BPIFB4: variants seen among roughly 807,000 people sequenced by gnomAD.
The protein encoded by BPIFB4 is BPI fold-containing family B member 4.
BPIFB4 carries 62 observed loss-of-function variants against 69.2 expected under a neutral mutation model. The ratio of observed to expected loss-of-function variants is 0.90; its 90% CI spans 0.73 to 1.11. BPIFB4 has a LOEUF of 1.11. Ranked by LOEUF, BPIFB4 falls within the 50% of genes least tolerant of loss-of-function variation. The probability of loss-of-function intolerance (pLI) is 0.00; values close to 1 mark genes in which losing one functional copy is unlikely to be tolerated. For synonymous variants in BPIFB4, 330 were observed against 332.7 expected (o/e 0.99, Z 0.09); for missense variants, 789 against 792.0 (o/e 1.00, Z 0.04).
chr20:33,091,458 A>G (rs1212808823), intron 10 of BPIFB4, among the ~76,000 whole-genome samples: 1 of 152,198 alleles, frequency 6.6e-6, no homozygotes, highest in African/African-American at 2.4e-5. Flanking sequence ...CTAATTTTGT[A>G]TGGGGCACGC....
chr20:33,090,641 G>C (rs1269979326), intron 9 of BPIFB4, 67 bp from the exon 10 acceptor site: 13 of 1,596,934 alleles, frequency 8.1e-6, no homozygotes, highest in Non-Finnish European at 1.1e-5. Flanking sequence ...CCCAGCCCCA[G>C]TGTATGAGGA....
At chr20:33,096,540 G>T (rs1419498126) in intron 12 of BPIFB4, among the ~76,000 whole-genome samples, 1 of 152,224 alleles carries the variant, frequency 6.6e-6, no homozygotes, top group African/African-American at 2.4e-5. Context: ...CTCCCAAAGT[G>T]CTGGGAGTAC....
In BPIFB4 at chr20:33,101,144, G is replaced by A. The variant is rs556031135; in HGVS notation, c.1637+651G>A. On this transcript the variant is annotated intron_variant, in intron 14 of 17. Transcript: ENST00000375483. ...TCTGCTCTATGTACTTGAAGTGTAC[G>A]TATTATCTTGTTTCTCCCCTCTGAT... Among the ~76,000 whole-genome samples, 10 of 152,282 alleles carry A rather than the reference G, an allele frequency of 6.6e-5. No individual in the cohort carries two copies. The South Asian group carries it at 1.7e-3, about 25-fold the overall frequency.
At chr20:33,083,328 A>G in intron 4 of BPIFB4, 39 bp from the exon 5 acceptor site, 1 of 1,584,602 alleles carries the variant, frequency 6.3e-7, no homozygotes, top group Non-Finnish European at 8.6e-7. Context: ...GGTGGCCGAC[A>G]CCATTACAAT....
At chr20:33,103,098 G>T in intron 15 of BPIFB4, 84 bp downstream of exon 15, 1 of 1,480,462 alleles carries the variant, frequency 6.8e-7, no homozygotes, top group Non-Finnish European at 9.4e-7. Flanking sequence ...TTCCTGTGAG[G>T]CTGGCTGGGC....
At chr20:33,098,280 T>C (rs941147406) in intron 13 of BPIFB4, among the ~76,000 whole-genome samples, 3 of 152,154 alleles carry the variant, frequency 2.0e-5, no homozygotes, top group East Asian at 3.9e-4. Flanking sequence ...TCTTGATCAT[T>C]CATTCAGCAA....
chr20:33,088,030 C>T (rs1981485071), intron 7 of BPIFB4, among the ~76,000 whole-genome samples: 1 of 152,190 alleles, frequency 6.6e-6, no homozygotes, highest in South Asian at 2.1e-4. Context: ...AGAGGTCCGG[C>T]GGTCAGAGAC....
intron 1 of BPIFB4, among the ~76,000 whole-genome samples, chr20:33,079,992 G>A (rs1052331337): frequency 2.6e-5 from 4 of 152,236 alleles, no homozygotes; most frequent in Non-Finnish European, 4.4e-5. Context: ...GTTTGCTGAT[G>A]CCAGAAATCT....
chr20:33,099,213 C>G (rs962624137), intron 13 of BPIFB4, among the ~76,000 whole-genome samples: 3 of 152,190 alleles, frequency 2.0e-5, no homozygotes, highest in Admixed American at 1.3e-4. Flanking sequence ...GTCCCTCCTA[C>G]TCCCAAAGCT....
Position 33,083,465 on chromosome 20 carries a change from A to T in BPIFB4, c.268A>T (p.Ile90Phe). The T allele has an allele frequency of 6.2e-7, 1 of 1,613,850 alleles. No individual in the cohort carries two copies. Among genetic ancestry groups the T allele is most frequent in the Non-Finnish European group, 8.5e-7 (1 of 1,179,928 alleles). The change falls in exon 5 of 18, where the codon ATT becomes TTT. Residue 90 changes from isoleucine (I) to phenylalanine (F), a missense_variant. This residue lies in a region of BPIFB4 where 611 missense variants were observed against 575.4 expected (regional missense o/e 1.06). Transcript: ENST00000375483. The part of the protein sequence containing the change: ...KLDGIYQYGH[I>F]ETNDNTAQLG... ...TGATGGTATTTACCAGTATGGTCACATTGAGACCAACGACAACACTGCTCA... is the reference window on the plus strand; with the variant it reads ...TGATGGTATTTACCAGTATGGTCACTTTGAGACCAACGACAACACTGCTCA...
At chr20:33,106,713 T>C (rs1414597638) in intron 16 of BPIFB4, among the ~76,000 whole-genome samples, 1 of 152,156 alleles carries the variant, frequency 6.6e-6, no homozygotes, top group African/African-American at 2.4e-5. Context: ...TAATATTTTA[T>C]GGTTTCTCTA....
intron 1 of BPIFB4, 103 bp downstream of exon 1, chr20:33,079,806 C>A (rs1981175358): frequency 6.6e-6 from 1 of 152,212 alleles, no homozygotes; most frequent in Non-Finnish European, 1.5e-5. Flanking sequence ...ATCAGGATGG[C>A]CCCTCTCCAA....
At chr20:33,105,964 C>A (rs999134992) in intron 16 of BPIFB4, among the ~76,000 whole-genome samples, 9 of 152,116 alleles carry the variant, frequency 5.9e-5, no homozygotes, top group African/African-American at 1.2e-4. Context: ...TCCATAGTCC[C>A]CAAAGTGAGC....
Position 33,090,714 on chromosome 20 carries a change from T to G in BPIFB4, c.1058T>G (p.Ile353Ser). ...CCCTCTCCTTTGCCTGCAGCTCTGA[T>G]TCCTCTGGGGATATTGGGAAGTGTC... ...NDQLGLVDSL[I>S]PLGILGSVQY... The change falls in exon 10 of 18, where the codon ATT (isoleucine) becomes AGT (serine). Residue 353 changes from isoleucine (I) to serine (S), a missense_variant. By Grantham distance (142) the Ile-to-Ser change is moderately radical. Transcript: ENST00000375483. 1.2e-6 allele frequency: 2 copies of G among 1,614,094 alleles called. No individual in the cohort carries two copies. The highest frequency in any genetic ancestry group is 1.7e-6 in the Non-Finnish European group (2 of 1,179,956).
rs778561490 is a variant in BPIFB4 at position 33,082,977 on chromosome 20, C to G, written c.146C>G (p.Ser49Trp). 3 of 1,612,790 alleles carry G rather than the reference C, an allele frequency of 1.9e-6. No individual in the cohort carries two copies. The African/African-American group carries it at 4.0e-5, about 22-fold the overall frequency. The stretch of plus-strand genomic sequence containing the variant: ...CTGCAGCAAAGTGATGCTCTCCACT[C>G]GGCCCTGAGAGAGGTGCCCTTGGGT... The part of the protein sequence containing the change: ...GMLQQSDALH[S>W]ALREVPLGVG... Residue 49 changes from serine to tryptophan, a missense_variant, in exon 4 of 18, where the codon TCG (serine) becomes TGG (tryptophan). Physicochemically the swap from Ser to Trp is radical, Grantham distance 177. Transcript: ENST00000375483.
intron 6 of BPIFB4, 90 bp from the exon 7 acceptor site, chr20:33,085,931 G>T: frequency 6.9e-7 from 1 of 1,457,424 alleles, no homozygotes; most frequent in East Asian, 2.3e-5. Flanking sequence ...GTAGCAGATG[G>T]CAGGGACAGC....
intron 17 of BPIFB4, among the ~76,000 whole-genome samples, chr20:33,109,151 T>A (rs1982162236): frequency 6.6e-6 from 1 of 152,154 alleles, no homozygotes. Flanking sequence ...TTTTCTCATC[T>A]GAAAATGGGG....
At position 33,083,716 on chromosome 20, in the gene BPIFB4, C is replaced by A. The variant is rs1426662674; in HGVS notation, c.519C>A (p.Gly173=). Residue 173 remains glycine, a synonymous_variant, in exon 5 of 18, where the codon GGC becomes GGA. Transcript: ENST00000375483. The part of the protein sequence containing the change: ...TGAVGPGGLL[G]TGGMLAADGI... ...CGGTGGGCCCAGGTGGTTTGCTGGG[C>A]ACTGGAGGCATGCTGGCAGCTGATG... The A allele has an allele frequency of 6.2e-7, 1 of 1,613,988 alleles. No individual in the cohort carries two copies. Among genetic ancestry groups the A allele is most frequent in the African/African-American group, 1.3e-5 (1 of 74,998 alleles).
chr20:33,083,445 G>T lies in BPIFB4; in HGVS notation c.248G>T (p.Gly83Val). The T allele has an allele frequency of 6.2e-7, 1 of 1,613,766 alleles. No individual in the cohort carries two copies. The highest frequency in any genetic ancestry group is 8.5e-7 in the Non-Finnish European group (1 of 1,179,896). Residue 83 changes from glycine to valine, a missense_variant, in exon 5 of 18, where the codon GGT (glycine) becomes GTT (valine). Gly to Val is a moderately radical substitution (Grantham distance 109). This residue lies in a region of BPIFB4 where 611 missense variants were observed against 575.4 expected (regional missense o/e 1.06). Transcript: ENST00000375483. ...TATACCAACGGCAAAAAACTTGATGGTATTTACCAGTATGGTCACATTGAG... is the reference window on the plus strand; with the variant it reads ...TATACCAACGGCAAAAAACTTGATGTTATTTACCAGTATGGTCACATTGAG... Reference protein sequence around the residue: ...PVYTNGKKLDGIYQYGHIETN... With the variant: ...PVYTNGKKLDVIYQYGHIETN...
Sources: allele counts gnomAD v4.1 joint callset (sites outside exome capture counted in the v4.1 genomes callset), GRCh38; gene constraint gnomAD v4.1.1; regional missense constraint gnomAD v4.1.1; transcripts MANE v1.5; gene names NCBI Gene and HGNC (gene_info 2026-07-23, HGNC 2026-07-21).